Variants in RXRA observed in about 807,000 individuals in gnomAD.
RXRA encodes the protein retinoid X receptor alpha, also known as retinoic acid receptor RXR-alpha.
In RXRA, 5 loss-of-function variants were observed where a neutral mutation model predicts 44.5. The observed-to-expected ratio is 0.11, with a 90% confidence interval of 0.06 to 0.24. RXRA has a LOEUF of 0.24. RXRA is among the 10% of genes least tolerant of loss of function. RXRA has a pLI of 1.00. For missense variants in RXRA, 412 were observed against 646.5 expected (o/e 0.64, Z 3.93); for synonymous variants, 291 against 271.4 (o/e 1.07, Z -0.71).
chr9:134,398,089 C>T (rs1830906162), intron 1 of RXRA, among the ~76,000 whole-genome samples: 2 of 152,136 alleles, frequency 1.3e-5, no homozygotes, highest in African/African-American at 2.4e-5. Context: ...AAGCGATTCT[C>T]CTGTCTCAGC....
At chr9:134,347,625 C>T (rs782590071) in intron 1 of RXRA, among the ~76,000 whole-genome samples, 12 of 152,142 alleles carry the variant, frequency 7.9e-5, no homozygotes, top group Non-Finnish European at 1.3e-4. Flanking sequence ...CACTGGCCAG[C>T]GTGGTTAGGG....
In RXRA at chr9:134,407,480, C is replaced by T. The variant is rs1831070999; in HGVS notation, c.280-669C>T. Among the ~76,000 whole-genome samples, 1 of 152,176 alleles carries T rather than the reference C, an allele frequency of 6.6e-6. No individual in the cohort carries two copies. On this transcript the variant is annotated intron_variant, in intron 2 of 9. Coordinates refer to ENST00000481739, the MANE Select transcript of RXRA (RefSeq NM_002957.6). This position sits in a 1 kb window ranked among gnomAD's most constrained non-coding sequence, Gnocchi z 4.8. ...GTGTCACTGCACGCTGCAGCTGTTG[C>T]CAGGGTGACCGGGTGAGTTTCCCAC...
At chr9:134,402,026 G>A (rs1036073034) in intron 2 of RXRA, 144 bp downstream of exon 2, 10 of 710,588 alleles carry the variant, frequency 1.4e-5, no homozygotes, top group African/African-American at 7.1e-5. Context: ...ACAGAGCCTC[G>A]GGGAGCAGAG....
chr9:134,366,783 G>A lies in RXRA; in HGVS notation c.29-34849G>A, dbSNP rs1830419962. Among the ~76,000 whole-genome samples, 2 of 152,220 alleles carry A rather than the reference G, an allele frequency of 1.3e-5. No homozygotes were observed. The highest frequency in any genetic ancestry group is 1.3e-4 in the Admixed American group (2 of 15,284). On this transcript the variant is annotated intron_variant, in intron 1 of 9. Coordinates refer to ENST00000481739, the MANE Select transcript of RXRA (RefSeq NM_002957.6). The surrounding 1 kb of genome is among the most constrained non-coding windows in gnomAD (Gnocchi z 5.9). ...AAGCCTGGCACCCCCCATGTTTCAC[G>A]TAGGCCACCCTAAGGTCCACAGATG...
chr9:134,369,593 C>T (rs1392998148), intron 1 of RXRA, among the ~76,000 whole-genome samples: 1 of 151,836 alleles, frequency 6.6e-6, no homozygotes, highest in East Asian at 1.9e-4. Context: ...GTCACCCATT[C>T]CCTGTGAGCT....
chr9:134,410,259 C>A (rs1019962822), intron 4 of RXRA, among the ~76,000 whole-genome samples: 1 of 152,206 alleles, frequency 6.6e-6, no homozygotes, highest in Non-Finnish European at 1.5e-5. Context: ...GCTGGTGTGG[C>A]CATGCCCAGT....
chr9:134,429,284 C>T (rs2274453), intron 7 of RXRA, 44 bp downstream of exon 7: 941 of 1,594,238 alleles, frequency 5.9e-4, no homozygotes, highest in Middle Eastern at 2.3e-3. Flanking sequence ...CGGTCACCTC[C>T]GCCACCAGGC....
intron 7 of RXRA, 51 bp from the exon 8 acceptor site, chr9:134,431,854 G>C (rs750546397): frequency 3.7e-5 from 53 of 1,438,434 alleles, no homozygotes; most frequent in Non-Finnish European, 4.8e-5. Context: ...TGTGGCCCTG[G>C]TGAGGGCTGC....
Position 134,326,674 on chromosome 9 carries a change from G to A in RXRA, c.28+15G>A, listed in dbSNP as rs1461368702. On this transcript the variant is annotated intron_variant, in intron 1 of 9. Transcript: ENST00000481739. The stretch of plus-strand genomic sequence containing the variant: ...CCTGCCGCTCGGTGAGTGCTCGCCG[G>A]GCCGGGCGGGGACGGGGCCGGGGGC... The A allele has an allele frequency of 5.4e-6, 5 of 919,610 alleles. No homozygotes were observed. The African/African-American group carries it at 9.1e-5, about 17-fold the overall frequency. The allele number at this position is 919,610 out of a possible 1,614,324, so 57.0% of individuals were successfully genotyped here.
rs542843679 is a variant in RXRA at position 134,385,766 on chromosome 9, G to A, written c.29-15866G>A. On this transcript the variant is annotated intron_variant, in intron 1 of 9. Transcript: ENST00000481739. ...ATGCCGGCTGGCACCATGTTGGGGC[G>A]GCTGTTGCCATCGCCCCCCAGCACG... is the stretch of plus-strand genomic sequence containing the variant. 5.9e-3 allele frequency among the ~76,000 whole-genome samples: 892 copies of A among 152,346 alleles called. 6 individuals are homozygous for A. Among genetic ancestry groups the A allele is most frequent in the African/African-American group, 0.021 (856 of 41,586 alleles).
Position 134,422,827 on chromosome 9 carries a change from A to G in RXRA, c.910+1022A>G, listed in dbSNP as rs1443898046. Reference sequence around the variant, plus strand: ...CAGAGAGGTAATGGGCTGTCGGTGGAGGTTTGGGGGCTCTGGAGAGGGAGG... The same window carrying G: ...CAGAGAGGTAATGGGCTGTCGGTGGGGGTTTGGGGGCTCTGGAGAGGGAGG... On this transcript the variant is annotated intron_variant, in intron 6 of 9. Transcript: ENST00000481739. 3 of 985,080 alleles carry G rather than the reference A, an allele frequency of 3.0e-6. No individual in the cohort carries two copies. The African/African-American group carries it at 5.3e-5, about 17-fold the overall frequency. The allele number at this position is 985,080 out of a possible 1,614,324, so 61.0% of individuals were successfully genotyped here. A position where few individuals can be genotyped will look rare whatever the true frequency, so the allele number is the denominator to read the frequency against.
At chr9:134,357,771 G>A (rs1369380168) in intron 1 of RXRA, among the ~76,000 whole-genome samples, 1 of 152,212 alleles carries the variant, frequency 6.6e-6, no homozygotes, top group East Asian at 1.9e-4. Flanking sequence ...CAGAGCACCC[G>A]GGAAATTACG....
Position 134,367,326 on chromosome 9 carries a change from GT to G in RXRA, c.29-34305del, listed in dbSNP as rs1422620393. 3.3e-5 allele frequency among the ~76,000 whole-genome samples: 5 copies of G among 152,308 alleles called. No homozygotes were observed. In the East Asian group the frequency reaches 9.7e-4, roughly 29 times the overall value. On this transcript the variant is annotated intron_variant, in intron 1 of 9. Coordinates refer to ENST00000481739, the MANE Select transcript of RXRA (RefSeq NM_002957.6). ...GCGCTGGGCAGGGACTGAGTCTGCGGTGGGGGGGAGGGTGGTGACCCTGTCC... is the reference window on the plus strand; with the variant it reads ...GCGCTGGGCAGGGACTGAGTCTGCGGGGGGGGGAGGGTGGTGACCCTGTCC...
At chr9:134,418,310 G>T (rs1005180190) in intron 5 of RXRA, among the ~76,000 whole-genome samples, 3 of 152,164 alleles carry the variant, frequency 2.0e-5, no homozygotes, top group South Asian at 4.1e-4. Flanking sequence ...TGCTGCTGGG[G>T]ACCTGGGTCC....
Position 134,342,353 on chromosome 9 carries a change from G to A in RXRA, c.28+15694G>A, listed in dbSNP as rs1830095807. Among the ~76,000 whole-genome samples the A allele has an allele frequency of 6.6e-6, 1 of 152,138 alleles. No individual in the cohort carries two copies. The highest frequency in any genetic ancestry group is 1.5e-5 in the Non-Finnish European group (1 of 68,014). On this transcript the variant is annotated intron_variant, in intron 1 of 9. Transcript: ENST00000481739. The surrounding 1 kb of genome is among the most constrained non-coding windows in gnomAD (Gnocchi z 4.4). ...GGAGGGAGTTGCCCTCATTTACAGA[G>A]GGGGCCTGGGCTCAGAGAGGCTGAG...
At chr9:134,340,188 T>A (rs562887453) in intron 1 of RXRA, among the ~76,000 whole-genome samples, 49 of 152,268 alleles carry the variant, frequency 3.2e-4, no homozygotes, top group African/African-American at 1.1e-3. Context: ...GGCTTGTGCC[T>A]GCGGGTCCAG....
chr9:134,399,543 C>T (rs1190337994), intron 1 of RXRA, among the ~76,000 whole-genome samples: 1 of 152,114 alleles, frequency 6.6e-6, no homozygotes, highest in African/African-American at 2.4e-5. Flanking sequence ...GATGTGGAGA[C>T]CTCTGGGCTG....
At chr9:134,340,140 G>A (rs564950703) in intron 1 of RXRA, among the ~76,000 whole-genome samples, 8 of 152,242 alleles carry the variant, frequency 5.3e-5, no homozygotes, top group African/African-American at 1.9e-4. Flanking sequence ...GTGTGCCTGT[G>A]TGTGCTTCTG....
chr9:134,401,712 C>G lies in RXRA; in HGVS notation c.109C>G (p.Leu37Val), dbSNP rs1830962859. Reference protein sequence around the residue: ...SMAAPSLHPSLGPGIGSPGQL... With the variant: ...SMAAPSLHPSVGPGIGSPGQL... ...GGCTGCCCCCTCGCTGCACCCGTCC[C>G]TGGGGCCTGGCATCGGCTCCCCGGG... The change falls in exon 2 of 10, where the codon CTG becomes GTG. Residue 37 changes from leucine (L) to valine (V), a missense_variant. Leu to Val is a conservative substitution (Grantham distance 32). This residue lies in a region of RXRA where 156 missense variants were observed against 177.2 expected (regional missense o/e 0.88). Coordinates refer to ENST00000481739, the MANE Select transcript of RXRA (RefSeq NM_002957.6). 6.2e-7 allele frequency: 1 copy of G among 1,613,168 alleles called. No individual in the cohort carries two copies. Among genetic ancestry groups the G allele is most frequent in the Non-Finnish European group, 8.5e-7 (1 of 1,180,002 alleles).
Sources: allele counts gnomAD v4.1 joint callset (sites outside exome capture counted in the v4.1 genomes callset), GRCh38; gene constraint gnomAD v4.1.1; regional missense constraint gnomAD v4.1.1; non-coding constraint Gnocchi (gnomAD v3.1); transcripts MANE v1.5; gene names NCBI Gene and HGNC (gene_info 2026-07-23, HGNC 2026-07-21).